ST6GAL2: variants seen among roughly 807,000 people sequenced by gnomAD.
The protein encoded by ST6GAL2 is beta-galactoside alpha-2,6-sialyltransferase 2.
ST6GAL2 carries 24 observed loss-of-function variants against 37.5 expected under a neutral mutation model. That is an observed-to-expected ratio of 0.64 (90% CI 0.46 to 0.90). The LOEUF is 0.90. Among genes scored for constraint, ST6GAL2 ranks in the 40% least tolerant of loss-of-function variants. The probability of loss-of-function intolerance (pLI) is 0.00; values close to 1 mark genes in which losing one functional copy is unlikely to be tolerated. For missense variants in ST6GAL2, 715 were observed against 712.7 expected (o/e 1.00, Z -0.04); for synonymous variants, 306 against 295.1 (o/e 1.04, Z -0.38).
At chr2:106,828,032 G>C (rs1260512405) in intron 5 of ST6GAL2, among the ~76,000 whole-genome samples, 1 of 152,078 alleles carries the variant, frequency 6.6e-6, no homozygotes, top group Non-Finnish European at 1.5e-5. Flanking sequence ...ATAATCTTCA[G>C]CTTCTGAAAC....
rs940200165 is a variant in ST6GAL2, at chr2:106,843,395, G to A, written c.583C>T (p.Leu195=). ...AAGGCCCTGGACATGGAGGAGTACAGCCTGTCGCCGTCGTCGCCCTCCTCC... is the reference window on the plus strand; with the variant it reads ...AAGGCCCTGGACATGGAGGAGTACAACCTGTCGCCGTCGTCGCCCTCCTCC... The part of the protein sequence containing the change: ...VLEEGDDGDR[L]YSSMSRAFLY... Residue 195 remains leucine (L), a synonymous_variant, in exon 2 of 6, where the codon CTG becomes TTG. Transcript: ENST00000409382. 1.9e-6 allele frequency: 3 copies of A among 1,614,118 alleles called. No individual in the cohort carries two copies. Among genetic ancestry groups the A allele is most frequent in the Non-Finnish European group, 2.5e-6 (3 of 1,180,002 alleles).
At chr2:106,879,308 T>C (rs770112687) in intron 1 of ST6GAL2, among the ~76,000 whole-genome samples, 9 of 152,190 alleles carry the variant, frequency 5.9e-5, no homozygotes, top group Admixed American at 2.0e-4. Flanking sequence ...GTGAAGCAAG[T>C]AACAAATGTT....
chr2:106,804,289 A>G lies in ST6GAL2; in HGVS notation c.*2389T>C, dbSNP rs1351506831. On this transcript the variant is annotated 3_prime_UTR_variant, in exon 6 of 6. Transcript: ENST00000409382. Reference sequence around the variant, plus strand: ...AACTTGAATATTTACACTGACCCCAATAAATTCTCCTCTAACCAAGTTCTC... The same window carrying G: ...AACTTGAATATTTACACTGACCCCAGTAAATTCTCCTCTAACCAAGTTCTC... The G allele has an allele frequency of 6.6e-6, 1 of 152,216 alleles. No homozygotes were observed. Among genetic ancestry groups the G allele is most frequent in the African/African-American group, 2.4e-5 (1 of 41,458 alleles). The allele number at this position is 152,216 out of a possible 1,614,324, so 9.4% of individuals were successfully genotyped here. A position where few individuals can be genotyped will look rare whatever the true frequency, so the allele number is the denominator to read the frequency against.
At chr2:106,807,062 T>A in intron 5 of ST6GAL2, 113 bp from the exon 6 acceptor site, 1 of 868,280 alleles carries the variant, frequency 1.2e-6, no homozygotes, top group Non-Finnish European at 1.7e-6. Flanking sequence ...AGACACTTAC[T>A]TTTTTGTTGT....
At chr2:106,879,733 C>T (rs939062833) in intron 1 of ST6GAL2, among the ~76,000 whole-genome samples, 34 of 145,048 alleles carry the variant, frequency 2.3e-4, no homozygotes, top group Admixed American at 5.6e-4. Flanking sequence ...TTATATAGAC[C>T]AATTATATAT....
intron 5 of ST6GAL2, among the ~76,000 whole-genome samples, chr2:106,807,322 G>T (rs1675449195): frequency 6.6e-6 from 1 of 152,068 alleles, no homozygotes; most frequent in South Asian, 2.1e-4. Flanking sequence ...TGTCCCATCT[G>T]GTTTGCAATG....
At chr2:106,846,320 T>C (rs1677143824) in intron 1 of ST6GAL2, among the ~76,000 whole-genome samples, 1 of 152,214 alleles carries the variant, frequency 6.6e-6, no homozygotes. Flanking sequence ...TATATATGTA[T>C]TTGTTTTAAA....
At position 106,806,360 on chromosome 2, in the gene ST6GAL2, G is replaced by A. The variant is rs1675413266; in HGVS notation, c.*318C>T. 1 of 264,984 alleles carries A rather than the reference G, an allele frequency of 3.8e-6. No individual in the cohort carries two copies. Among genetic ancestry groups the A allele is most frequent in the Admixed American group, 4.9e-5 (1 of 20,382 alleles). The allele number at this position is 264,984 out of a possible 1,614,324, so 16.4% of individuals were successfully genotyped here. ...ACCTGTCATTGAAACCAACCCTGAT[G>A]AGGGGTACTCATGGCAGAAGAATAA... is the stretch of plus-strand genomic sequence containing the variant. On this transcript the variant is annotated 3_prime_UTR_variant, in exon 6 of 6. Coordinates refer to ENST00000409382, the MANE Select transcript of ST6GAL2 (RefSeq NM_001142351.2).
At chr2:106,857,112 G>A (rs1002194219) in intron 1 of ST6GAL2, among the ~76,000 whole-genome samples, 5 of 152,128 alleles carry the variant, frequency 3.3e-5, no homozygotes, top group East Asian at 3.9e-4. Context: ...GAGTAGTATC[G>A]ACATTACTTA....
At chr2:106,859,154 C>T (rs1424524962) in intron 1 of ST6GAL2, among the ~76,000 whole-genome samples, 3 of 152,124 alleles carry the variant, frequency 2.0e-5, no homozygotes, top group Non-Finnish European at 4.4e-5. Context: ...AATAAAGAAC[C>T]TATGTTTACA....
intron 3 of ST6GAL2, among the ~76,000 whole-genome samples, chr2:106,833,110 A>C (rs1676489072): frequency 6.6e-6 from 1 of 152,196 alleles, no homozygotes; most frequent in Non-Finnish European, 1.5e-5. Flanking sequence ...GAGTTCTTCA[A>C]TCTCAGCTGC....
At chr2:106,822,980 C>T (rs1474457627) in intron 5 of ST6GAL2, 2 of 152,110 alleles carry the variant, frequency 1.3e-5, no homozygotes, top group African/African-American at 4.8e-5. Flanking sequence ...CTTTGATAAA[C>T]TTTCTATGTA....
chr2:106,813,247 G>A, intron 5 of ST6GAL2: 1 of 1,310,022 alleles, frequency 7.6e-7, no homozygotes, highest in South Asian at 2.4e-5. Context: ...TTCATTTGAA[G>A]AAAATAAGTA....
At chr2:106,839,012 T>G (rs11124135) in intron 2 of ST6GAL2, among the ~76,000 whole-genome samples, 129,182 of 151,968 alleles carry the variant, frequency 0.85, 55,051 homozygotes, top group East Asian at 0.94. Context: ...CTCCAGCCTG[T>G]GCAACAGCGG....
chr2:106,835,380 C>T (rs1676595069), intron 2 of ST6GAL2, among the ~76,000 whole-genome samples: 1 of 152,178 alleles, frequency 6.6e-6, no homozygotes, highest in Non-Finnish European at 1.5e-5. Context: ...TGTCTTCTTG[C>T]TCCCCAAATA....
intron 5 of ST6GAL2, among the ~76,000 whole-genome samples, chr2:106,815,499 A>G (rs1573209250): frequency 6.6e-6 from 1 of 152,344 alleles, no homozygotes; most frequent in African/African-American, 2.4e-5. Context: ...AGCAAGGAAA[A>G]CAAAAGTCTA....
intron 4 of ST6GAL2, 152 bp downstream of exon 4, chr2:106,832,413 G>A: frequency 1.9e-6 from 1 of 527,966 alleles, no homozygotes. Flanking sequence ...TTGTAACTGG[G>A]TATCAACGTG....
intron 1 of ST6GAL2, among the ~76,000 whole-genome samples, chr2:106,853,698 C>T (rs1430352811): frequency 6.6e-6 from 1 of 152,114 alleles, no homozygotes; most frequent in Non-Finnish European, 1.5e-5. Flanking sequence ...CAGGTCATTC[C>T]AGCAGTACAG....
intron 5 of ST6GAL2, chr2:106,822,776 C>T (rs928310686): frequency 4.6e-5 from 7 of 152,004 alleles, no homozygotes; most frequent in African/African-American, 1.7e-4. Flanking sequence ...TAGGTTGGTA[C>T]AAAAGTAATT....
Sources: allele counts gnomAD v4.1 joint callset (sites outside exome capture counted in the v4.1 genomes callset), GRCh38; gene constraint gnomAD v4.1.1; transcripts MANE v1.5; gene names NCBI Gene and HGNC (gene_info 2026-07-23, HGNC 2026-07-21).